VNN2: variants seen among roughly 807,000 people sequenced by gnomAD.
VNN2 encodes pantetheine hydrolase VNN2.
A neutral mutation model predicts 43.0 loss-of-function variants in VNN2; 43 were observed. The observed-to-expected ratio is 1.00, with a 90% CI of 0.78 to 1.29. The LOEUF (loss-of-function observed/expected upper bound fraction) is 1.29, where lower values mean the gene tolerates loss of function less well. VNN2 is among the 50% of genes most tolerant of loss of function. The pLI, the probability that VNN2 is intolerant of heterozygous loss-of-function variation, is 0.00. For synonymous variants in VNN2, 230 were observed against 224.3 expected (o/e 1.03, Z -0.23); for missense variants, 652 against 619.7 (o/e 1.05, Z -0.55).
intron 6 of VNN2, among the ~76,000 whole-genome samples, 173 bp from the exon 7 acceptor site, chr6:132,744,664 G>C (rs1352758210): frequency 1.3e-5 from 2 of 152,020 alleles, no homozygotes; most frequent in East Asian, 1.9e-4. Context: ...ATGAAGACTA[G>C]AGCAATTCAA....
At chr6:132,758,972 T>C (rs1426661315), upstream of VNN2, among the ~76,000 whole-genome samples, 4 of 146,978 alleles carry the variant, frequency 2.7e-5, no homozygotes, top group African/African-American at 8.1e-5. Flanking sequence ...CTCCTTCTCC[T>C]CCTACTCCTT....
chr6:132,747,163 G>A (rs1431221287), intron 6 of VNN2, among the ~76,000 whole-genome samples: 1 of 152,114 alleles, frequency 6.6e-6, no homozygotes, highest in African/African-American at 2.4e-5. Context: ...CATCTAAGAA[G>A]GAACCAGAGA....
At position 132,757,463 on chromosome 6, in the gene VNN2, A is replaced by G; in HGVS notation, c.297T>C (p.Asp99=). The change falls in exon 2 of 7, where the codon GAT becomes GAC. Residue 99 remains aspartate, a synonymous_variant. Coordinates refer to ENST00000326499, the MANE Select transcript of VNN2 (RefSeq NM_004665.6). ...TRETVFPYLE[D]IPDPQVNWIP... ...TCCAGTTCACCTGAGGGTCTGGGAT[A>G]TCCTCCAGATAAGGGAAAACAGTTT... The G allele has an allele frequency of 6.2e-7, 1 of 1,614,078 alleles. No homozygotes were observed. Among genetic ancestry groups the G allele is most frequent in the Non-Finnish European group, 8.5e-7 (1 of 1,179,990 alleles).
chr6:132,749,336 T>G (rs1287379114), intron 6 of VNN2, among the ~76,000 whole-genome samples: 2 of 152,194 alleles, frequency 1.3e-5, no homozygotes, highest in Non-Finnish European at 2.9e-5. Context: ...CCTGGACTCA[T>G]TCAGCTAACA....
chr6:132,747,594 G>A (rs955958648), intron 6 of VNN2, among the ~76,000 whole-genome samples: 3 of 152,090 alleles, frequency 2.0e-5, no homozygotes, highest in Non-Finnish European at 2.9e-5. Flanking sequence ...TCCAGTCTGG[G>A]CAACACAGCG....
At chr6:132,758,000 T>TTTCTTCTTCTTCTTCTTCTTC (rs60545394), upstream of VNN2, 749 of 341,712 alleles carry the variant, frequency 2.2e-3, 161 homozygotes, top group African/African-American at 0.022. Flanking sequence ...TATCATCATT[T>TTTCTTCTTCTTCTTCTTCTTC]TTCTTCTTCT....
chr6:132,756,703 T>C (rs935072550), intron 2 of VNN2, among the ~76,000 whole-genome samples: 5 of 152,206 alleles, frequency 3.3e-5, no homozygotes, highest in Non-Finnish European at 7.3e-5. Flanking sequence ...GTCTAAACAC[T>C]AGAATTTCCT....
chr6:132,749,357 C>T (rs943320093), intron 6 of VNN2, among the ~76,000 whole-genome samples: 1 of 152,168 alleles, frequency 6.6e-6, no homozygotes, highest in Admixed American at 6.5e-5. Context: ...TGTGAACAAG[C>T]TCAGGTTTGC....
In VNN2 at chr6:132,757,688, T is replaced by C. The variant is rs367909602; in HGVS notation, c.196A>G (p.Lys66Glu). 9.3e-6 allele frequency: 15 copies of C among 1,614,084 alleles called. No individual in the cohort carries two copies. Among genetic ancestry groups the C allele is most frequent in the Admixed American group, 3.3e-5 (2 of 60,020 alleles). ...GAGAATACCTGCTCAGCTGCCTGCTTGATCGCTGTCTCCAGAATGTCTATA... is the reference window on the plus strand; with the variant it reads ...GAGAATACCTGCTCAGCTGCCTGCTCGATCGCTGTCTCCAGAATGTCTATA... ...ENIDILETAIKQAAEQGARII... is the reference protein window; with the variant it reads ...ENIDILETAIEQAAEQGARII... Residue 66 changes from lysine to glutamate, a missense_variant, in exon 1 of 7, where the codon AAG becomes GAG. Physicochemically the swap from Lys to Glu is moderately conservative, Grantham distance 56 (BLOSUM62 1). Transcript: ENST00000326499.
chr6:132,760,080 T>A (rs557961737), upstream of VNN2, among the ~76,000 whole-genome samples: 2 of 152,354 alleles, frequency 1.3e-5, no homozygotes, highest in East Asian at 3.9e-4. Flanking sequence ...TTCCAGAGTC[T>A]TTCCTTTATA....
intron 6 of VNN2, among the ~76,000 whole-genome samples, chr6:132,746,821 G>A (rs1158601683): frequency 6.6e-6 from 1 of 152,044 alleles, no homozygotes; most frequent in African/African-American, 2.4e-5. Flanking sequence ...TAACAAGTTG[G>A]TGTTCTCGCT....
Position 132,751,428 on chromosome 6 carries a change from GA to G in VNN2, c.916del (p.Ser306HisfsTer64). The G allele has an allele frequency of 6.2e-7, 1 of 1,614,146 alleles. No homozygotes were observed. Among genetic ancestry groups the G allele is most frequent in the South Asian group, 1.1e-5 (1 of 91,084 alleles). ...GTAGGCAAGCGAGGATAGGGGATGTGAATCCACCTCTGAAAGGAGAAGTTTT... is the reference window on the plus strand; with the variant it reads ...GTAGGCAAGCGAGGATAGGGGATGTGATCCACCTCTGAAAGGAGAAGTTTT... ...LGKLLLSEVD[S>X]HPLSSLAYPT... On this transcript the variant is annotated frameshift_variant, in exon 5 of 7. Coordinates refer to ENST00000326499, the MANE Select transcript of VNN2 (RefSeq NM_004665.6). LOFTEE classifies it high-confidence loss of function.
upstream of VNN2, among the ~76,000 whole-genome samples, chr6:132,761,426 G>A (rs187713187): frequency 1.1e-4 from 16 of 151,702 alleles, no homozygotes; most frequent in African/African-American, 2.2e-4. Flanking sequence ...TTGGGAGGCC[G>A]AGGCGGGCGA....
chr6:132,758,018 C>CTTTTT (rs1332482113), upstream of VNN2: 4 of 158,988 alleles, frequency 2.5e-5, 2 homozygotes, highest in South Asian at 3.5e-4. Flanking sequence ...TCTTCTTCTT[C>CTTTTT]TTCTTCTTCT....
At chr6:132,761,434 C>T (rs987518846), upstream of VNN2, among the ~76,000 whole-genome samples, 5 of 151,040 alleles carry the variant, frequency 3.3e-5, no homozygotes, top group South Asian at 2.1e-4. Context: ...CCGAGGCGGG[C>T]GAATTATTTG....
At chr6:132,761,452 G>T (rs1053553947), upstream of VNN2, among the ~76,000 whole-genome samples, 5 of 151,628 alleles carry the variant, frequency 3.3e-5, no homozygotes, top group Non-Finnish European at 5.9e-5. Context: ...TTGAGGTCAG[G>T]AGTTCGAGCC....
At chr6:132,748,634 A>G (rs986037828) in intron 6 of VNN2, among the ~76,000 whole-genome samples, 4 of 152,324 alleles carry the variant, frequency 2.6e-5, no homozygotes, top group Admixed American at 6.5e-5. Context: ...TAATATTCAA[A>G]CCACTGGAAT....
At position 132,749,679 on chromosome 6, in the gene VNN2, A is replaced by T. The variant is rs755612626; in HGVS notation, c.1371+16T>A. On this transcript the variant is annotated intron_variant, in intron 6 of 6. Coordinates refer to ENST00000326499, the MANE Select transcript of VNN2 (RefSeq NM_004665.6). ...GAACATATAAAATGAAAATACTCTT[A>T]TAAAAGTCCTCTTACCTCAAATTTT... 6.2e-7 allele frequency: 1 copy of T among 1,604,978 alleles called. No homozygotes were observed. Among genetic ancestry groups the T allele is most frequent in the Non-Finnish European group, 8.5e-7 (1 of 1,175,246 alleles).
chr6:132,754,374 A>G (rs1258394404), intron 3 of VNN2, among the ~76,000 whole-genome samples: 1 of 152,250 alleles, frequency 6.6e-6, no homozygotes, highest in Non-Finnish European at 1.5e-5. Flanking sequence ...AAATTGTTGC[A>G]CTTTATAAAT....
Sources: gnomAD v4.1 joint callset for allele counts (sites outside exome capture counted in the v4.1 genomes callset) on GRCh38, gnomAD v4.1.1 for gene constraint, MANE v1.5 for transcripts, NCBI Gene and HGNC (gene_info 2026-07-23, HGNC 2026-07-21) for gene names.